XIRP2: variants seen among roughly 807,000 people sequenced by gnomAD.
The protein encoded by XIRP2 is xin actin binding repeat containing 2, also known as xin actin-binding repeat-containing protein 2.
In XIRP2, 236 loss-of-function variants were observed where a neutral mutation model predicts 277.0. The observed-to-expected ratio is 0.85, with a 90% CI of 0.77 to 0.95. The LOEUF is 0.95. XIRP2 is among the 40% of genes least tolerant of loss of function. The pLI, the probability that XIRP2 is intolerant of heterozygous loss-of-function variation, is 0.00. For missense variants in XIRP2, 4,640 were observed against 4,157.5 expected (o/e 1.12, Z -3.19); for synonymous variants, 1,490 against 1,416.5 (o/e 1.05, Z -1.17).
intron 2 of XIRP2, among the ~76,000 whole-genome samples, chr2:167,024,357 A>T: frequency 6.6e-6 from 1 of 152,104 alleles, no homozygotes; most frequent in African/African-American, 2.4e-5. Flanking sequence ...TTTTGGGCTG[A>T]GATGATGGAG....
chr2:166,936,748 C>A (rs1685529465), intron 2 of XIRP2, among the ~76,000 whole-genome samples: 1 of 152,038 alleles, frequency 6.6e-6, no homozygotes, highest in Admixed American at 6.6e-5. Flanking sequence ...CTTCTGAGGG[C>A]TCTGTTCTGT....
chr2:167,006,494 C>A (rs939415424), intron 2 of XIRP2, among the ~76,000 whole-genome samples: 1 of 151,722 alleles, frequency 6.6e-6, no homozygotes, highest in African/African-American at 2.4e-5. Flanking sequence ...GAGAAATATT[C>A]TTCTCTGGAA....
At chr2:166,920,484 C>T (rs924361259) in intron 2 of XIRP2, among the ~76,000 whole-genome samples, 3 of 152,026 alleles carry the variant, frequency 2.0e-5, no homozygotes, top group Non-Finnish European at 2.9e-5. Context: ...CATTGAGTGT[C>T]CCCCAAACTA....
At chr2:166,943,722 G>A (rs982584644) in intron 2 of XIRP2, among the ~76,000 whole-genome samples, 1 of 152,218 alleles carries the variant, frequency 6.6e-6, no homozygotes, top group Non-Finnish European at 1.5e-5. Context: ...GCCCTGTATG[G>A]AAGCAATTCA....
At chr2:167,014,148 G>C (rs1011012741) in intron 2 of XIRP2, among the ~76,000 whole-genome samples, 26 of 151,554 alleles carry the variant, frequency 1.7e-4, no homozygotes, top group Non-Finnish European at 3.2e-4. Context: ...CTTGTTCACT[G>C]CTAGTCCAGT....
intron 2 of XIRP2, among the ~76,000 whole-genome samples, chr2:166,908,110 A>G (rs985186484): frequency 6.6e-6 from 1 of 152,132 alleles, no homozygotes; most frequent in Non-Finnish European, 1.5e-5. Flanking sequence ...CATGATTTAT[A>G]ATCCTTTGGG....
At chr2:167,155,070 C>T (rs1264530618) in intron 3 of XIRP2, among the ~76,000 whole-genome samples, 1 of 151,492 alleles carries the variant, frequency 6.6e-6, no homozygotes, top group Non-Finnish European at 1.5e-5. Flanking sequence ...TCTGAATAGA[C>T]CAATAACAGG....
chr2:166,948,148 T>C (rs115109885), intron 2 of XIRP2, among the ~76,000 whole-genome samples: 172 of 152,242 alleles, frequency 1.1e-3, no homozygotes, highest in African/African-American at 3.9e-3. Flanking sequence ...ATTCATGTCA[T>C]TATACACATG....
intron 2 of XIRP2, among the ~76,000 whole-genome samples, chr2:167,021,606 T>C (rs1687984301): frequency 6.6e-6 from 1 of 152,044 alleles, no homozygotes; most frequent in Admixed American, 6.6e-5. Flanking sequence ...CCCAGCACTT[T>C]GGGAGGCTGA....
At chr2:166,943,877 C>CAGTATTCA (rs1685786447) in intron 2 of XIRP2, among the ~76,000 whole-genome samples, 3 of 152,186 alleles carry the variant, frequency 2.0e-5, no homozygotes, top group African/African-American at 4.8e-5. Context: ...AGTACAGACT[C>CAGTATTCA]TTGTTCCATA....
At chr2:166,955,520 T>A (rs995853427) in intron 2 of XIRP2, among the ~76,000 whole-genome samples, 1 of 151,718 alleles carries the variant, frequency 6.6e-6, no homozygotes, top group African/African-American at 2.4e-5. Flanking sequence ...AACTTGATAA[T>A]TTACTACAAA....
intron 3 of XIRP2, among the ~76,000 whole-genome samples, chr2:167,191,222 A>G (rs1035578789): frequency 1.3e-5 from 2 of 148,374 alleles, no homozygotes; most frequent in Non-Finnish European, 3.0e-5. Flanking sequence ...AGAAAGAAAG[A>G]AAAGAAAAGA....
At chr2:167,183,211 C>CA (rs1693065599) in intron 3 of XIRP2, among the ~76,000 whole-genome samples, 1 of 152,164 alleles carries the variant, frequency 6.6e-6, no homozygotes, top group Admixed American at 6.5e-5. Context: ...TAGGATAAGA[C>CA]ATAGATTGCA....
rs1191188701 is a variant in XIRP2 at position 167,249,886 on chromosome 2, G to A, written c.8494G>A (p.Glu2832Lys). 1 of 1,613,362 alleles carries A rather than the reference G, an allele frequency of 6.2e-7. No individual in the cohort carries two copies. Among genetic ancestry groups the A allele is most frequent in the Non-Finnish European group, 8.5e-7 (1 of 1,179,704 alleles). ...NQGPSMIGRK[E>K]ERLITERKHE... ...GGGACCATCAATGATTGGTCGAAAA[G>A]AAGAGAGATTAATAACTGAAAGAAA... The change falls in exon 9 of 11, where the codon GAA becomes AAA. Residue 2832 changes from glutamate to lysine, a missense_variant. Glu to Lys is a moderately conservative substitution (Grantham distance 56, BLOSUM62 1). Transcript: ENST00000409195.
At chr2:167,104,211 T>A (rs1454441377) in intron 2 of XIRP2, among the ~76,000 whole-genome samples, 2 of 152,272 alleles carry the variant, frequency 1.3e-5, no homozygotes, top group African/African-American at 4.8e-5. Flanking sequence ...ATGATCATAT[T>A]TTTTGCAATT....
chr2:167,167,428 C>T (rs905445315), intron 3 of XIRP2, among the ~76,000 whole-genome samples: 5 of 151,986 alleles, frequency 3.3e-5, no homozygotes, highest in Non-Finnish European at 5.9e-5. Flanking sequence ...TCTTTTTATG[C>T]TTTTTGTGAT....
chr2:167,175,068 G>A (rs1447615625), intron 3 of XIRP2, among the ~76,000 whole-genome samples: 1 of 152,132 alleles, frequency 6.6e-6, no homozygotes, highest in South Asian at 2.1e-4. Context: ...TTGATTTGGG[G>A]TGGAGAGTTC....
intron 3 of XIRP2, among the ~76,000 whole-genome samples, chr2:167,209,506 A>G (rs902302346): frequency 3.9e-5 from 6 of 152,122 alleles, no homozygotes; most frequent in African/African-American, 1.2e-4. Flanking sequence ...TAGTGATTAA[A>G]TTATAACAAC....
At chr2:167,148,614 G>T (rs1691928926) in intron 3 of XIRP2, among the ~76,000 whole-genome samples, 1 of 151,972 alleles carries the variant, frequency 6.6e-6, no homozygotes, top group Admixed American at 6.6e-5. Context: ...CTTCATAAAT[G>T]TAAATGTCCC....
Sources: gnomAD v4.1 joint callset for allele counts (sites outside exome capture counted in the v4.1 genomes callset) on GRCh38, gnomAD v4.1.1 for gene constraint, MANE v1.5 for transcripts, NCBI Gene and HGNC (gene_info 2026-07-23, HGNC 2026-07-21) for gene names.